The following SEPTIN9 variants were observed in gnomAD, a reference collection of about 807,000 sequenced individuals.
SEPTIN9 encodes the protein septin 9.
Under a neutral mutation model 56.6 loss-of-function variants are expected in SEPTIN9, and 13 were observed. That is an observed-to-expected ratio of 0.23 (90% CI 0.15 to 0.37). The LOEUF (loss-of-function observed/expected upper bound fraction) is 0.37. Ranked by LOEUF, SEPTIN9 falls within the 10% of genes least tolerant of loss-of-function variation. SEPTIN9 has a pLI of 1.00. For missense variants in SEPTIN9, 650 were observed against 823.1 expected (o/e 0.79, Z 2.57); for synonymous variants, 332 against 334.1 (o/e 0.99, Z 0.07).
At chr17:77,467,369 C>T (rs1177849261) in intron 3 of SEPTIN9, among the ~76,000 whole-genome samples, 1 of 152,214 alleles carries the variant, frequency 6.6e-6, no homozygotes, top group East Asian at 1.9e-4. Context: ...CTCTGCCTGT[C>T]CTGTGTCCCT....
chr17:77,454,370 A>G, intron 3 of SEPTIN9: 1 of 985,420 alleles, frequency 1.0e-6, no homozygotes, highest in Non-Finnish European at 1.2e-6. Flanking sequence ...ACAGGTAGGG[A>G]CCTGTTCCCG....
At chr17:77,490,675 T>C (rs1251786890) in intron 7 of SEPTIN9, 67 bp from the exon 8 acceptor site, 59 of 1,234,746 alleles carry the variant, frequency 4.8e-5, no homozygotes, top group Non-Finnish European at 6.6e-5. Flanking sequence ...GACACCTGCT[T>C]GGGGGTGGGT....
intron 3 of SEPTIN9, among the ~76,000 whole-genome samples, chr17:77,407,282 CAAAAA>C (rs58585658): frequency 0.11 from 4,849 of 44,412 alleles, 263 homozygotes; most frequent in African/African-American, 0.3. Context: ...GACCCTGTCT[CAAAAA>C]AAAAAAAAAA....
chr17:77,467,432 C>G (rs558451361), intron 3 of SEPTIN9, among the ~76,000 whole-genome samples: 1 of 152,250 alleles, frequency 6.6e-6, no homozygotes, highest in African/African-American at 2.4e-5. Context: ...GGCCCTGAGC[C>G]CAGCACTGGG....
intron 2 of SEPTIN9, among the ~76,000 whole-genome samples, chr17:77,334,809 G>A (rs1180922413): frequency 6.6e-6 from 1 of 151,934 alleles, no homozygotes; most frequent in African/African-American, 2.4e-5. Context: ...ATCAGTTTTT[G>A]TATTTGGTTT....
chr17:77,416,754 C>G (rs760237320), intron 3 of SEPTIN9, among the ~76,000 whole-genome samples: 2 of 152,166 alleles, frequency 1.3e-5, no homozygotes, highest in African/African-American at 4.8e-5. Flanking sequence ...GCCCACTCAA[C>G]GCTGGAACTG....
rs1598264522 is a variant in SEPTIN9 at position 77,369,626 on chromosome 17, C to T, written c.77-32433C>T. Among the ~76,000 whole-genome samples the T allele has an allele frequency of 6.6e-6, 1 of 152,296 alleles. No homozygotes were observed. The highest frequency in any genetic ancestry group is 2.4e-5 in the African/African-American group (1 of 41,560). On this transcript the variant is annotated intron_variant, in intron 2 of 11. Coordinates refer to ENST00000427177, the MANE Select transcript of SEPTIN9 (RefSeq NM_001113491.2). The surrounding 1 kb of genome is among the most constrained non-coding windows in gnomAD (Gnocchi z 4.9). ...GGGAGGCCTACTTTGTGTCAGGCCA[C>T]GCAGAGATAAGACCATCTGGGCCCT...
Position 77,408,201 on chromosome 17 carries a change from C to T in SEPTIN9, c.721+5498C>T, listed in dbSNP as rs551056122. Among the ~76,000 whole-genome samples the T allele has an allele frequency of 7.7e-4, 118 of 152,334 alleles. 3 individuals are homozygous for T. Among genetic ancestry groups the T allele is most frequent in the Middle Eastern group, 6.8e-3 (2 of 294 alleles). ...GTTCTGAACTATCATTCCACCCCTCCCAGCCTCAATTTCTTGATCTGTCAA... is the reference window on the plus strand; with the variant it reads ...GTTCTGAACTATCATTCCACCCCTCTCAGCCTCAATTTCTTGATCTGTCAA... On this transcript the variant is annotated intron_variant, in intron 3 of 11. Transcript: ENST00000427177.
At chr17:77,288,812 A>G (rs2031395791) in intron 1 of SEPTIN9, among the ~76,000 whole-genome samples, 1 of 152,160 alleles carries the variant, frequency 6.6e-6, no homozygotes, top group African/African-American at 2.4e-5. Context: ...CTGTCGGGTT[A>G]TTGCTGGGAG....
At chr17:77,290,327 C>G (rs942190835) in intron 1 of SEPTIN9, among the ~76,000 whole-genome samples, 3 of 150,938 alleles carry the variant, frequency 2.0e-5, no homozygotes, top group Admixed American at 6.6e-5. Context: ...GCGCGATCTC[C>G]GCTCACTGCA....
intron 3 of SEPTIN9, among the ~76,000 whole-genome samples, chr17:77,472,958 G>A (rs149247152): frequency 3.9e-5 from 6 of 152,354 alleles, no homozygotes; most frequent in Admixed American, 6.5e-5. Context: ...GAAGTCCCCA[G>A]TGACATTTAT....
intron 10 of SEPTIN9, 34 bp downstream of exon 10, chr17:77,493,110 T>A: frequency 6.8e-7 from 1 of 1,472,090 alleles, no homozygotes; most frequent in Non-Finnish European, 9.3e-7. Context: ...TCCAGACAGA[T>A]GGGAAGACAG....
chr17:77,456,839 G>A lies in SEPTIN9; in HGVS notation c.722-25305G>A, dbSNP rs753618547. On this transcript the variant is annotated intron_variant, in intron 3 of 11. Transcript: ENST00000427177. The surrounding 1 kb of genome is among the most constrained non-coding windows in gnomAD (Gnocchi z 6.0). ...CCCACAGCCAAGGACAAGTCCCCACGGCCAATACCAGATCCCAGTGACCAG... is the reference window on the plus strand; with the variant it reads ...CCCACAGCCAAGGACAAGTCCCCACAGCCAATACCAGATCCCAGTGACCAG... 5.5e-4 allele frequency among the ~76,000 whole-genome samples: 83 copies of A among 152,026 alleles called. No homozygotes were observed. The highest frequency in any genetic ancestry group is 1.7e-3 in the African/African-American group (72 of 41,448).
intron 1 of SEPTIN9, chr17:77,281,996 T>G: frequency 1.2e-5 from 2 of 160,998 alleles, no homozygotes; most frequent in East Asian, 1.7e-4. Context: ...CTCCTCTACT[T>G]AGTGGGGCAC....
chr17:77,386,814 C>T (rs553981826), intron 2 of SEPTIN9, among the ~76,000 whole-genome samples: 1 of 152,320 alleles, frequency 6.6e-6, no homozygotes, highest in African/African-American at 2.4e-5. Context: ...TCAGCCAGTA[C>T]CCTCTGGCTG....
intron 2 of SEPTIN9, among the ~76,000 whole-genome samples, chr17:77,321,372 C>T (rs2032915584): frequency 6.6e-6 from 1 of 151,776 alleles, no homozygotes; most frequent in African/African-American, 2.4e-5. Context: ...GTGTGGTCCC[C>T]TCCACCACTG....
At chr17:77,288,139 G>T in intron 1 of SEPTIN9, 3 of 1,062,940 alleles carry the variant, frequency 2.8e-6, no homozygotes, top group Non-Finnish European at 3.4e-6. Context: ...CCCGGCCTGG[G>T]GTTTCAGAGA....
intron 2 of SEPTIN9, among the ~76,000 whole-genome samples, chr17:77,391,557 T>G (rs1433117488): frequency 6.6e-6 from 1 of 152,214 alleles, no homozygotes; most frequent in East Asian, 1.9e-4. Context: ...CTTACCTTAA[T>G]TACATCTGCA....
rs534634574 is a variant in SEPTIN9 at position 77,496,031 on chromosome 17, CTTTTTT to C, written c.1574-1274_1574-1269del. Among the ~76,000 whole-genome samples, 339 of 140,228 alleles carry C rather than the reference CTTTTTT, an allele frequency of 2.4e-3. 1 individual carries two copies. The highest frequency in any genetic ancestry group is 8.4e-3 in the African/African-American group (324 of 38,376). The allele number at this position is 140,228 out of a possible 152,430, so 92.0% of individuals were successfully genotyped here. ...TTTCTTTTCTTTTCTTTTTCTTTTT[CTTTTTT>C]TTTTTTTTTGAGACGAAGTTTCACT... On this transcript the variant is annotated intron_variant, in intron 10 of 11. Transcript: ENST00000427177.
Sources: gnomAD v4.1 joint callset for allele counts (sites outside exome capture counted in the v4.1 genomes callset) on GRCh38, gnomAD v4.1.1 for gene constraint, Gnocchi (gnomAD v3.1) non-coding constraint, MANE v1.5 for transcripts, NCBI Gene and HGNC (gene_info 2026-07-23, HGNC 2026-07-21) for gene names.